The following DIAPH2 variants were observed in gnomAD, a reference collection of about 807,000 sequenced individuals.
DIAPH2 encodes diaphanous related formin 2, also known as protein diaphanous homolog 2.
In DIAPH2, 35 loss-of-function variants were observed where a neutral mutation model predicts 92.7. The ratio of observed to expected loss-of-function variants is 0.38; its 90% confidence interval spans 0.29 to 0.50. The LOEUF (loss-of-function observed/expected upper bound fraction) is 0.50, where lower values mean the gene tolerates loss of function less well. Ranked by LOEUF, DIAPH2 falls within the 20% of genes least tolerant of loss-of-function variation. The pLI, the probability that DIAPH2 is intolerant of heterozygous loss-of-function variation, is 0.94. For synonymous variants in DIAPH2, 301 were observed against 280.4 expected (o/e 1.07, Z -0.73); for missense variants, 701 against 819.5 (o/e 0.86, Z 1.77).
chrX:97,300,708 G>A (rs1320844988), intron 23 of DIAPH2, among the ~76,000 whole-genome samples: 2 of 95,093 alleles, frequency 2.1e-5, no homozygotes, highest in East Asian at 3.2e-4. Context: ...CGAGGCGGGC[G>A]GATCACAAGG....
At position 97,185,397 on chromosome X, in the gene DIAPH2, A is replaced by ATATATATATGTATATATATATGTG. The variant is rs2067581380; in HGVS notation, c.2719+43612_2719+43613insGTATATATATATGTGTATATATAT. Among the ~76,000 whole-genome samples the ATATATATATGTATATATATATGTG allele has an allele frequency of 5.1e-3, 28 of 5,496 alleles. 1 individual carries two copies. The highest frequency in any genetic ancestry group is 8.1e-3 in the Non-Finnish European group (26 of 3,199). The allele number at this position is 5,496 out of a possible 115,157, so 4.8% of individuals were successfully genotyped here. On this transcript the variant is annotated intron_variant, in intron 22 of 26. Coordinates refer to ENST00000324765, the MANE Select transcript of DIAPH2 (RefSeq NM_006729.5). ...TATATATATGTATATATATATGTGT[A>ATATATATATGTATATATATATGTG]TATATATATATATGTATATATATAT...
rs373054114 is a variant in DIAPH2, at chrX:97,193,012, CTTTTTTTT to C, written c.2719+51229_2719+51236del. ...ATTTCTTTCTTTTTCTTTTTCTTTT[CTTTTTTTT>C]TTTTTTTTTTGAGACAGGGTCTCTC... is the stretch of plus-strand genomic sequence containing the variant. On this transcript the variant is annotated intron_variant, in intron 22 of 26. Coordinates refer to ENST00000324765, the MANE Select transcript of DIAPH2 (RefSeq NM_006729.5). Among the ~76,000 whole-genome samples the C allele has an allele frequency of 3.5e-5, 3 of 86,591 alleles. No homozygotes were observed. In the East Asian group the frequency reaches 9.9e-4, roughly 29 times the overall value. 75.2% of individuals were successfully genotyped at this position (86,591 alleles called of 115,157 possible). A position where few individuals can be genotyped will look rare whatever the true frequency, so the allele number is the denominator to read the frequency against.
intron 17 of DIAPH2, among the ~76,000 whole-genome samples, chrX:97,031,811 A>C (rs2066376988): frequency 8.9e-6 from 1 of 111,909 alleles, no homozygotes. Flanking sequence ...AAGGGAAGTA[A>C]GCAAGAATTC....
chrX:97,257,825 T>C (rs1169367861), intron 23 of DIAPH2, among the ~76,000 whole-genome samples: 1 of 111,159 alleles, frequency 9.0e-6, no homozygotes, highest in Non-Finnish European at 1.9e-5. Context: ...GAGTGACTTT[T>C]AACATGCCTT....
chrX:97,318,225 G>C (rs902023431), intron 23 of DIAPH2, among the ~76,000 whole-genome samples: 1 of 110,398 alleles, frequency 9.1e-6, no homozygotes, highest in African/African-American at 3.3e-5. Flanking sequence ...TGCAACTTCC[G>C]CCTCCCAGGT....
chrX:96,789,792 G>A (rs1346171094), intron 4 of DIAPH2, among the ~76,000 whole-genome samples: 1 of 111,588 alleles, frequency 9.0e-6, no homozygotes, highest in Non-Finnish European at 1.9e-5. Flanking sequence ...TGAAAGTACA[G>A]GGCTTAAACT....
intron 26 of DIAPH2, among the ~76,000 whole-genome samples, chrX:97,445,375 ATTTTG>A (rs2070298938): frequency 9.0e-6 from 1 of 110,865 alleles, no homozygotes; most frequent in South Asian, 3.8e-4. Flanking sequence ...ATTCAGAAGA[ATTTTG>A]TTTTATCTGT....
chrX:97,349,121 C>T (rs1462671763), intron 24 of DIAPH2, among the ~76,000 whole-genome samples: 1 of 99,772 alleles, frequency 1.0e-5, no homozygotes, highest in Middle Eastern at 5.4e-3. Flanking sequence ...TGGAATCTTG[C>T]TCTGTTGCCC....
intron 26 of DIAPH2, among the ~76,000 whole-genome samples, chrX:97,485,083 G>A (rs1439863780): frequency 9.0e-6 from 1 of 111,273 alleles, no homozygotes; most frequent in African/African-American, 3.3e-5. Context: ...GACCATTTAG[G>A]TACTGAACTT....
intron 4 of DIAPH2, among the ~76,000 whole-genome samples, chrX:96,788,316 GATA>G (rs1036312450): frequency 1.8e-5 from 2 of 111,771 alleles, no homozygotes; most frequent in African/African-American, 6.5e-5. Context: ...AACCTGGAAT[GATA>G]ATAATTTATT....
intron 1 of DIAPH2, among the ~76,000 whole-genome samples, chrX:96,724,753 T>C (rs1031276771): frequency 2.7e-5 from 3 of 112,370 alleles, no homozygotes; most frequent in Non-Finnish European, 1.9e-5. Context: ...AAATGTTTTC[T>C]ACATCAAAAT....
intron 24 of DIAPH2, among the ~76,000 whole-genome samples, chrX:97,355,336 T>G (rs759808954): frequency 3.7e-4 from 41 of 110,455 alleles, no homozygotes; most frequent in Non-Finnish European, 6.8e-4. Flanking sequence ...GAAAGGATTG[T>G]GTATATAATC....
intron 26 of DIAPH2, among the ~76,000 whole-genome samples, chrX:97,520,999 G>A (rs1047975638): frequency 9.0e-6 from 1 of 111,485 alleles, no homozygotes; most frequent in Non-Finnish European, 1.9e-5. Context: ...TTTGTATGTT[G>A]AAGTCTACCC....
At chrX:97,506,302 A>G (rs1422724696) in intron 26 of DIAPH2, among the ~76,000 whole-genome samples, 2 of 107,859 alleles carry the variant, frequency 1.9e-5, no homozygotes, top group Non-Finnish European at 3.8e-5. Context: ...GGCGCACGCC[A>G]TGAAGCCCGG....
chrX:97,140,777 GAAAAAT>G (rs1349205264), intron 21 of DIAPH2, among the ~76,000 whole-genome samples: 1 of 111,405 alleles, frequency 9.0e-6, no homozygotes, highest in African/African-American at 3.3e-5. Flanking sequence ...ACCTGTTTGT[GAAAAAT>G]ACTCATTTAT....
intron 22 of DIAPH2, among the ~76,000 whole-genome samples, chrX:97,201,612 T>C (rs1478745414): frequency 2.8e-5 from 3 of 108,131 alleles, no homozygotes; most frequent in Non-Finnish European, 5.7e-5. Context: ...GCAGACAAGA[T>C]TGGAGAACAT....
intron 3 of DIAPH2, among the ~76,000 whole-genome samples, chrX:96,753,309 A>G (rs2064205252): frequency 8.9e-6 from 1 of 112,251 alleles, no homozygotes; most frequent in South Asian, 3.7e-4. Flanking sequence ...AACAAAAACA[A>G]TATGAGTCAG....
At chrX:97,297,185 T>C (rs1474323996) in intron 23 of DIAPH2, among the ~76,000 whole-genome samples, 1 of 99,485 alleles carries the variant, frequency 1.0e-5, no homozygotes, top group Non-Finnish European at 2.0e-5. Context: ...GCTAACCAAG[T>C]CTGACATATA....
chrX:97,018,042 A>C (rs775663606), intron 17 of DIAPH2, among the ~76,000 whole-genome samples: 4 of 112,605 alleles, frequency 3.6e-5, no homozygotes, highest in Non-Finnish European at 7.5e-5. Flanking sequence ...AAGATGTTTT[A>C]GCATTTGCAT....
Sources: allele counts gnomAD v4.1 joint callset (sites outside exome capture counted in the v4.1 genomes callset), GRCh38; gene constraint gnomAD v4.1.1; transcripts MANE v1.5; gene names NCBI Gene and HGNC (gene_info 2026-07-23, HGNC 2026-07-21).